The following RANBP2 variants were observed in gnomAD, a reference collection of about 807,000 sequenced individuals.
RANBP2 encodes the protein E3 SUMO-protein ligase RanBP2.
Under a neutral mutation model 303.6 loss-of-function variants are expected in RANBP2, and 57 were observed. That is an observed-to-expected ratio of 0.19 (90% CI 0.15 to 0.23). RANBP2 has a LOEUF of 0.23. Among genes scored for constraint, RANBP2 ranks in the 10% least tolerant of loss-of-function variants. The probability of loss-of-function intolerance (pLI) is 1.00; values close to 1 mark genes in which losing one functional copy is unlikely to be tolerated. For missense variants in RANBP2, 3,138 were observed against 3,780.8 expected, an observed-to-expected ratio of 0.83 and a Z score of 4.46; for synonymous variants, 1,167 against 1,301.5, an observed-to-expected ratio of 0.90 and a Z score of 2.23.
At chr2:108,902,708 G>A in the RANBP2 span, among the ~76,000 whole-genome samples, 3 of 152,082 alleles carry the variant, frequency 2.0e-5, no homozygotes, top group African/African-American at 7.2e-5. Context: ...ATTCCAGGGA[G>A]GCAAGGCTGG....
the RANBP2 span, among the ~76,000 whole-genome samples, chr2:109,414,041 C>G: frequency 6.6e-6 from 1 of 152,226 alleles, no homozygotes; most frequent in African/African-American, 2.4e-5. Context: ...CAATGACATT[C>G]CCTCTGAAGC....
the RANBP2 span, chr2:109,760,231 C>T: frequency 1.3e-5 from 2 of 149,122 alleles, no homozygotes; most frequent in Non-Finnish European, 3.0e-5. Context: ...AAGAAATGCA[C>T]ATTCCCAGGA....
chr2:109,159,101 A>G, the RANBP2 span, among the ~76,000 whole-genome samples: 45 of 151,900 alleles, frequency 3.0e-4, 1 homozygote, highest in Non-Finnish European at 4.4e-5. Context: ...TGGGCGACAG[A>G]GTGAGATTCG....
At chr2:109,490,905 C>A in the RANBP2 span, 1 of 1,515,810 alleles carries the variant, frequency 6.6e-7, no homozygotes, top group Non-Finnish European at 8.8e-7. Context: ...GGCTGCCATC[C>A]GCCCCGAGCC....
At chr2:109,042,162 C>T in the RANBP2 span, among the ~76,000 whole-genome samples, 1 of 152,126 alleles carries the variant, frequency 6.6e-6, no homozygotes, top group African/African-American at 2.4e-5. Context: ...CACTTCTTTT[C>T]CTAGTCTCAG....
chr2:109,157,690 T>C, the RANBP2 span, among the ~76,000 whole-genome samples: 10 of 152,184 alleles, frequency 6.6e-5, no homozygotes, highest in African/African-American at 2.4e-4. Flanking sequence ...GAGCTGCCTG[T>C]TTTATCACCT....
chr2:109,721,332 C>T, the RANBP2 span, among the ~76,000 whole-genome samples: 1 of 152,196 alleles, frequency 6.6e-6, no homozygotes, highest in Non-Finnish European at 1.5e-5. Flanking sequence ...CCACACTGCG[C>T]CACAGGCTGA....
At chr2:109,698,859 G>C in the RANBP2 span, among the ~76,000 whole-genome samples, 1 of 152,166 alleles carries the variant, frequency 6.6e-6, no homozygotes, top group South Asian at 2.1e-4. Flanking sequence ...CTTGAACCCG[G>C]GAGGCAGAGG....
At chr2:109,727,312 G>A in the RANBP2 span, among the ~76,000 whole-genome samples, 1 of 152,182 alleles carries the variant, frequency 6.6e-6, no homozygotes. Flanking sequence ...GGGAAACGAT[G>A]AACTTTTTGA....
At chr2:109,417,701 C>T in the RANBP2 span, among the ~76,000 whole-genome samples, 8 of 152,288 alleles carry the variant, frequency 5.3e-5, no homozygotes, top group Admixed American at 2.6e-4. Context: ...CGGTTGCACC[C>T]GCTCATTCTG....
intron 9 of RANBP2, among the ~76,000 whole-genome samples, chr2:108,749,560 A>C (rs1380064676): frequency 1.3e-5 from 2 of 151,854 alleles, no homozygotes; most frequent in Non-Finnish European, 2.9e-5. Flanking sequence ...GGCCTCCCAA[A>C]GTGCTGGGAT....
chr2:109,110,750 G>C, the RANBP2 span, among the ~76,000 whole-genome samples: 1 of 152,160 alleles, frequency 6.6e-6, no homozygotes, highest in African/African-American at 2.4e-5. Context: ...AGCTGTCTGG[G>C]AGACAGCTGT....
At chr2:109,546,224 A>G in the RANBP2 span, 1 of 1,552,830 alleles carries the variant, frequency 6.4e-7, no homozygotes, top group Non-Finnish European at 8.7e-7. Context: ...AAGGTGCTCA[A>G]ATTTGGCCTG....
At position 108,719,739 on chromosome 2, in the gene RANBP2, T is replaced by C. The variant is rs1694062385; in HGVS notation, c.72+61T>C. ...TGGCCGGGCGGCGGCCTCGCGCTGC[T>C]CAGGCGTCATGGCTCCCGACGGGCG... On this transcript the variant is annotated intron_variant, in intron 1 of 28. Transcript: ENST00000283195. 4.5e-6 allele frequency: 7 copies of C among 1,548,758 alleles called. No homozygotes were observed. In the East Asian group the frequency reaches 1.7e-4, roughly 38 times the overall value.
At chr2:109,351,402 A>C in the RANBP2 span, among the ~76,000 whole-genome samples, 1 of 152,216 alleles carries the variant, frequency 6.6e-6, no homozygotes, top group Non-Finnish European at 1.5e-5. Flanking sequence ...TGATATAAAT[A>C]AATTGTGGAG....
the RANBP2 span, among the ~76,000 whole-genome samples, chr2:109,275,322 C>G: frequency 2.0e-5 from 3 of 152,160 alleles, no homozygotes; most frequent in Non-Finnish European, 4.4e-5. Context: ...AATCAGATCA[C>G]CAGGCTTCAG....
chr2:109,693,696 A>G, the RANBP2 span, among the ~76,000 whole-genome samples: 1 of 152,232 alleles, frequency 6.6e-6, no homozygotes, highest in Admixed American at 6.5e-5. Flanking sequence ...TTTGGTTTAT[A>G]AATTACCCAT....
At chr2:109,197,415 T>C in the RANBP2 span, among the ~76,000 whole-genome samples, 1 of 152,190 alleles carries the variant, frequency 6.6e-6, no homozygotes, top group Non-Finnish European at 1.5e-5. Flanking sequence ...CTCGGGCTGG[T>C]GGCTTAATTT....
At chr2:109,648,715 G>C in the RANBP2 span, among the ~76,000 whole-genome samples, 32 of 149,854 alleles carry the variant, frequency 2.1e-4, 1 homozygote, top group Admixed American at 2.0e-3. Flanking sequence ...GTGCAGTGGC[G>C]TGATCTTGGC....
Sources: allele counts gnomAD v4.1 joint callset (sites outside exome capture counted in the v4.1 genomes callset), GRCh38; gene constraint gnomAD v4.1.1; transcripts MANE v1.5; gene names NCBI Gene and HGNC (gene_info 2026-07-23, HGNC 2026-07-21).